The following HNF4G variants were observed in gnomAD, a reference collection of about 807,000 sequenced individuals.
The protein encoded by HNF4G is hepatocyte nuclear factor 4-gamma.
A neutral mutation model predicts 50.9 loss-of-function variants in HNF4G; 21 were observed. The observed-to-expected ratio is 0.41, with a 90% CI of 0.29 to 0.59. HNF4G has a LOEUF of 0.59. HNF4G is among the 20% of genes least tolerant of loss of function. The pLI is 0.26. For synonymous variants in HNF4G, 198 were observed against 185.6 expected, an observed-to-expected ratio of 1.07 and a Z score of -0.54; for missense variants, 527 against 559.4, an observed-to-expected ratio of 0.94 and a Z score of 0.58.
intron 1 of HNF4G, among the ~76,000 whole-genome samples, chr8:75,412,120 G>T (rs1233900572): frequency 6.6e-6 from 1 of 152,076 alleles, no homozygotes; most frequent in Non-Finnish European, 1.5e-5. Flanking sequence ...ATTGTGGACC[G>T]CTGGAAACCT....
intron 2 of HNF4G, 97 bp from the exon 3 acceptor site, chr8:75,547,490 C>G (rs559453689): frequency 1.1e-6 from 1 of 888,854 alleles, no homozygotes; most frequent in African/African-American, 1.7e-5. Flanking sequence ...TTTATCGAAC[C>G]GAATTTGACA....
chr8:75,409,981 T>C (rs930266309), intron 1 of HNF4G, among the ~76,000 whole-genome samples: 1 of 152,188 alleles, frequency 6.6e-6, no homozygotes, highest in Non-Finnish European at 1.5e-5. Context: ...AGTTTTATTG[T>C]TTTAAAATTT....
intron 1 of HNF4G, among the ~76,000 whole-genome samples, chr8:75,471,522 C>T (rs1259266690): frequency 1.3e-5 from 2 of 152,154 alleles, no homozygotes; most frequent in Non-Finnish European, 2.9e-5. Context: ...GTTAAAGTAT[C>T]TCATTTGACT....
chr8:75,529,209 T>A (rs975690760), intron 2 of HNF4G, among the ~76,000 whole-genome samples: 28 of 151,900 alleles, frequency 1.8e-4, no homozygotes, highest in African/African-American at 6.5e-4. Context: ...GAGAATGGCG[T>A]GAACCCGGCA....
chr8:75,460,676 A>G (rs1403610424), intron 1 of HNF4G, among the ~76,000 whole-genome samples: 1 of 152,214 alleles, frequency 6.6e-6, no homozygotes, highest in African/African-American at 2.4e-5. Flanking sequence ...ATTCAGAGCC[A>G]TAAAAGAAAC....
In HNF4G at chr8:75,560,327, C is replaced by A. The variant is rs1391529065; in HGVS notation, c.1124-17C>A. The A allele has an allele frequency of 6.2e-7, 1 of 1,611,424 alleles. No individual in the cohort carries two copies. On this transcript the variant is annotated splice_polypyrimidine_tract_variant and intron_variant, in intron 8 of 9. Transcript: ENST00000396423. ...TGATTAAATATCACTAACACAGCAT[C>A]TTTTTATCTTTTGTAGGGGCTTCCA...
Position 75,466,258 on chromosome 8 carries a change from C to T in HNF4G, c.-143-23831C>T, listed in dbSNP as rs373617226. Among the ~76,000 whole-genome samples the T allele has an allele frequency of 1.5e-4, 23 of 152,068 alleles. 1 individual carries two copies. The highest frequency in any genetic ancestry group is 5.5e-4 in the African/African-American group (23 of 41,506). ...TTGTTAATACATTCTGCCTTCTTTCCTCACATCTGTCAACAAGCAATGACT... is the reference window on the plus strand; with the variant it reads ...TTGTTAATACATTCTGCCTTCTTTCTTCACATCTGTCAACAAGCAATGACT... On this transcript the variant is annotated intron_variant, in intron 1 of 10. Coordinates refer to the HNF4G transcript ENST00000354370.
chr8:75,543,785 C>G, intron 1 of HNF4G, 26 bp from the exon 2 acceptor site: 1 of 1,591,940 alleles, frequency 6.3e-7, no homozygotes, highest in Non-Finnish European at 8.6e-7. Flanking sequence ...CTAACTCTAA[C>G]TGTAATCTTC....
intron 1 of HNF4G, among the ~76,000 whole-genome samples, chr8:75,480,124 A>G (rs1321470532): frequency 6.6e-6 from 1 of 152,192 alleles, no homozygotes; most frequent in Admixed American, 6.5e-5. Flanking sequence ...ATACCTGGTA[A>G]CTTTTGGTTT....
chr8:75,525,969 T>C (rs1806167384), intron 2 of HNF4G, among the ~76,000 whole-genome samples: 1 of 152,100 alleles, frequency 6.6e-6, no homozygotes, highest in Non-Finnish European at 1.5e-5. Flanking sequence ...TAATTTTAAA[T>C]AAAAATATTT....
intron 1 of HNF4G, among the ~76,000 whole-genome samples, chr8:75,447,687 C>T (rs1811457734): frequency 6.6e-6 from 1 of 151,980 alleles, no homozygotes; most frequent in Non-Finnish European, 1.5e-5. Flanking sequence ...AAAAAATGCT[C>T]ATCATCACTG....
At chr8:75,423,158 C>T (rs1365974619) in intron 1 of HNF4G, among the ~76,000 whole-genome samples, 1 of 151,996 alleles carries the variant, frequency 6.6e-6, no homozygotes, top group African/African-American at 2.4e-5. Flanking sequence ...TATTTTTGGC[C>T]TGGAATTTTG....
intron 2 of HNF4G, among the ~76,000 whole-genome samples, chr8:75,530,874 C>G (rs1806309337): frequency 6.7e-6 from 1 of 150,058 alleles, no homozygotes; most frequent in Non-Finnish European, 1.5e-5. Context: ...TTCACTGCAA[C>G]CTCTGCCTCC....
intron 1 of HNF4G, among the ~76,000 whole-genome samples, chr8:75,452,732 A>G (rs1811616630): frequency 6.6e-6 from 1 of 151,838 alleles, no homozygotes; most frequent in African/African-American, 2.4e-5. Flanking sequence ...AAAAAAAAAG[A>G]AAAGAAAAAG....
chr8:75,558,626 A>G lies in HNF4G; in HGVS notation c.842A>G (p.Asp281Gly). Reference sequence around the variant, plus strand: ...CCATTTCAAGAAATCCAGATTGATGACAATGAGTATGCTTGTTTAAAGGCA... The same window carrying G: ...CCATTTCAAGAAATCCAGATTGATGGCAATGAGTATGCTTGTTTAAAGGCA... ...VRPFQEIQID[D>G]NEYACLKAIV... is the part of the protein sequence containing the mutation. The change falls in exon 7 of 10, where the codon GAC becomes GGC. Residue 281 changes from aspartate to glycine, a missense_variant. Asp to Gly is a moderately conservative substitution (Grantham distance 94). Around this residue, in one of 5 missense-constraint regions of HNF4G, gnomAD observed 308 missense variants for 301.5 expected, o/e 1.02. Coordinates refer to ENST00000396423, the MANE Select transcript of HNF4G (RefSeq NM_004133.5). The G allele has an allele frequency of 6.2e-7, 1 of 1,614,028 alleles. No individual in the cohort carries two copies. Among genetic ancestry groups the G allele is most frequent in the Non-Finnish European group, 8.5e-7 (1 of 1,179,926 alleles).
chr8:75,469,385 C>T (rs1812062951), intron 1 of HNF4G, among the ~76,000 whole-genome samples: 2 of 152,128 alleles, frequency 1.3e-5, no homozygotes, highest in African/African-American at 4.8e-5. Flanking sequence ...CGACAATAAT[C>T]CAATCTACAT....
At chr8:75,496,404 A>T (rs1812765726) in intron 2 of HNF4G, among the ~76,000 whole-genome samples, 1 of 151,936 alleles carries the variant, frequency 6.6e-6, no homozygotes, top group Non-Finnish European at 1.5e-5. Flanking sequence ...CATTAACTTC[A>T]TGGCACTGGA....
rs61003427 is a variant in HNF4G, at chr8:75,556,074, G to GTT, written c.733+16_733+17dup. The GTT allele has an allele frequency of 1.8e-4, 229 of 1,256,248 alleles. No homozygotes were observed. The highest frequency in any genetic ancestry group is 3.6e-4 in the South Asian group (25 of 69,072). The allele number at this position is 1,256,248 out of a possible 1,614,324, so 77.8% of individuals were successfully genotyped here. ...ATAAAGATATTTTGCTTTTGGGTAA[G>GTT]TTTTTTTTTTTTAATTTAAGAAGAA... On this transcript the variant is annotated splice_donor_region_variant and intron_variant, in intron 6 of 9. Coordinates refer to ENST00000396423, the MANE Select transcript of HNF4G (RefSeq NM_004133.5).
intron 1 of HNF4G, among the ~76,000 whole-genome samples, chr8:75,427,405 C>G (rs1476628860): frequency 1.3e-5 from 2 of 152,016 alleles, no homozygotes; most frequent in South Asian, 2.1e-4. Flanking sequence ...TGGTGAAACC[C>G]AGTCTCTACT....
Sources: allele counts gnomAD v4.1 joint callset (sites outside exome capture counted in the v4.1 genomes callset), GRCh38; gene constraint gnomAD v4.1.1; regional missense constraint gnomAD v4.1.1; transcripts MANE v1.5; gene names NCBI Gene and HGNC (gene_info 2026-07-23, HGNC 2026-07-21).